Variants in KDM1B observed in about 807,000 individuals in gnomAD.
KDM1B encodes lysine-specific histone demethylase 2.
Under a neutral mutation model 107.4 loss-of-function variants are expected in KDM1B, and 63 were observed. The ratio of observed to expected loss-of-function variants is 0.59; its 90% CI spans 0.48 to 0.72. The LOEUF (loss-of-function observed/expected upper bound fraction) is 0.72, where lower values mean the gene tolerates loss of function less well. Ranked by LOEUF, KDM1B falls within the 30% of genes least tolerant of loss-of-function variation. The probability of loss-of-function intolerance (pLI) is 0.00; values close to 1 mark genes in which losing one functional copy is unlikely to be tolerated. For missense variants in KDM1B, 749 were observed against 1,020.8 expected (o/e 0.73, Z 3.63); for synonymous variants, 363 against 363.9 (o/e 1.00, Z 0.03).
Position 18,212,399 on chromosome 6 carries a change from G to A in KDM1B, c.1867-89G>A, listed in dbSNP as rs1340257226. The A allele has an allele frequency of 1.9e-5, 16 of 839,632 alleles. No individual in the cohort carries two copies. The East Asian group carries it at 3.9e-4, about 20-fold the overall frequency. 52.0% of individuals were successfully genotyped at this position (839,632 alleles called of 1,614,324 possible). A position where few individuals can be genotyped will look rare whatever the true frequency, so the allele number is the denominator to read the frequency against. ...CACATGGCAGCCCTTGTTCTTGCCA[G>A]TATAACAGCATGGGTTGTTGATACC... On this transcript the variant is annotated intron_variant, in intron 17 of 21. Coordinates refer to ENST00000650836, the MANE Select transcript of KDM1B (RefSeq NM_001364614.2). This position sits in a 1 kb window ranked among gnomAD's most constrained non-coding sequence, Gnocchi z 5.2.
intron 12 of KDM1B, among the ~76,000 whole-genome samples, chr6:18,199,674 A>G (rs1335907736): frequency 6.6e-6 from 1 of 151,720 alleles, no homozygotes; most frequent in Non-Finnish European, 1.5e-5. Flanking sequence ...AAGCCCATGA[A>G]GTAATATTTA....
intron 2 of KDM1B, among the ~76,000 whole-genome samples, chr6:18,156,182 A>G (rs1338058867): frequency 1.3e-5 from 2 of 152,210 alleles, no homozygotes; most frequent in Non-Finnish European, 1.5e-5. Flanking sequence ...TTGAGACTTG[A>G]TGAGCATTGC....
intron 7 of KDM1B, among the ~76,000 whole-genome samples, chr6:18,183,920 C>T (rs1010210357): frequency 2.0e-5 from 3 of 152,050 alleles, no homozygotes; most frequent in Non-Finnish European, 4.4e-5. Context: ...ACAAGAATGT[C>T]TTTGAAATAC....
chr6:18,157,898 C>T (rs537367710), intron 2 of KDM1B, among the ~76,000 whole-genome samples: 54 of 144,768 alleles, frequency 3.7e-4, no homozygotes, highest in African/African-American at 8.5e-4. Context: ...CTGCAAGCTC[C>T]GCCTGCGGGG....
rs1318581616 is a variant in KDM1B at position 18,208,136 on chromosome 6, A to G, written c.1796A>G (p.Gln599Arg). Residue 599 changes from glutamine (Q) to arginine (R), a missense_variant, in exon 17 of 22, where the codon CAG becomes CGG. Gln to Arg is a conservative substitution (Grantham distance 43). Transcript: ENST00000650836. ...TCATAATTGCTTTTTGAGCAGGTGC[A>G]GTGTATTGATTATTCTGGAGATGAA... ...GLDIQLKSPV[Q>R]CIDYSGDEVQ... The G allele has an allele frequency of 6.2e-7, 1 of 1,612,330 alleles. No homozygotes were observed. The highest frequency in any genetic ancestry group is 8.5e-7 in the Non-Finnish European group (1 of 1,178,556).
chr6:18,160,013 T>G (rs1561902001), intron 3 of KDM1B, 31 bp downstream of exon 3: 1 of 1,410,732 alleles, frequency 7.1e-7, no homozygotes, highest in Non-Finnish European at 9.8e-7. Context: ...CAACAAGCCT[T>G]TTTTGAGCAT....
rs1471000416 is a variant in KDM1B at position 18,186,004 on chromosome 6, A to G, written c.573+194A>G. Among the ~76,000 whole-genome samples, 1 of 152,222 alleles carries G rather than the reference A, an allele frequency of 6.6e-6. No individual in the cohort carries two copies. Among genetic ancestry groups the G allele is most frequent in the Non-Finnish European group, 1.5e-5 (1 of 68,042 alleles). On this transcript the variant is annotated intron_variant, in intron 8 of 21. Coordinates refer to ENST00000650836, the MANE Select transcript of KDM1B (RefSeq NM_001364614.2). The surrounding 1 kb of genome is among the most constrained non-coding windows in gnomAD (Gnocchi z 5.6). Reference sequence around the variant, plus strand: ...TTATGGGTAGTCCTGTCCCCAACTTAAAAAATAAAAATAAAGTTATGTTGC... The same window carrying G: ...TTATGGGTAGTCCTGTCCCCAACTTGAAAAATAAAAATAAAGTTATGTTGC...
intron 17 of KDM1B, among the ~76,000 whole-genome samples, chr6:18,208,792 C>T (rs1338665613): frequency 1.4e-5 from 2 of 147,138 alleles, no homozygotes; most frequent in Non-Finnish European, 3.0e-5. Flanking sequence ...CTACAGGCAC[C>T]CGCCATCACG....
intron 7 of KDM1B, among the ~76,000 whole-genome samples, chr6:18,179,434 T>G (rs1786281030): frequency 6.6e-6 from 1 of 152,206 alleles, no homozygotes; most frequent in African/African-American, 2.4e-5. Flanking sequence ...CTCTTTTCTA[T>G]TTTGTTGTAT....
Position 18,201,152 on chromosome 6 carries a change from C to T in KDM1B, c.1360-334C>T, listed in dbSNP as rs1479190635. On this transcript the variant is annotated intron_variant, in intron 13 of 21. Transcript: ENST00000650836. The surrounding 1 kb of genome is among the most constrained non-coding windows in gnomAD (Gnocchi z 4.3). Reference sequence around the variant, plus strand: ...ATGAGTGTTTGTGTGTTTGTGTGTTCATTTACATGAGGGTCCACAGAGGAG... The same window carrying T: ...ATGAGTGTTTGTGTGTTTGTGTGTTTATTTACATGAGGGTCCACAGAGGAG... Among the ~76,000 whole-genome samples the T allele has an allele frequency of 2.0e-5, 3 of 152,090 alleles. No homozygotes were observed. Among genetic ancestry groups the T allele is most frequent in the South Asian group, 4.1e-4 (2 of 4,822 alleles).
intron 10 of KDM1B, among the ~76,000 whole-genome samples, chr6:18,192,285 T>C (rs1039441397): frequency 5.3e-5 from 8 of 152,178 alleles, no homozygotes; most frequent in Admixed American, 1.3e-4. Context: ...AGAGATTCTC[T>C]TGACCCTAGC....
At chr6:18,198,658 C>A (rs9371038) in intron 12 of KDM1B, among the ~76,000 whole-genome samples, 40,225 of 119,140 alleles carry the variant, frequency 0.34, 6,488 homozygotes, top group Non-Finnish European at 0.41. Context: ...AAAAAAAAAA[C>A]AAAACGCCCT....
At chr6:18,217,118 C>T (rs979251886) in intron 20 of KDM1B, among the ~76,000 whole-genome samples, 1 of 152,138 alleles carries the variant, frequency 6.6e-6, no homozygotes, top group Non-Finnish European at 1.5e-5. Context: ...AAGGGAAGGC[C>T]CGAACTCTTA....
chr6:18,158,069 T>C (rs1166437867), intron 2 of KDM1B, among the ~76,000 whole-genome samples: 1 of 152,032 alleles, frequency 6.6e-6, no homozygotes, highest in Non-Finnish European at 1.5e-5. Context: ...CACCTCAGCC[T>C]CCCAAAGTGC....
intron 6 of KDM1B, among the ~76,000 whole-genome samples, chr6:18,170,217 T>C (rs551802635): frequency 6.6e-6 from 1 of 152,290 alleles, no homozygotes; most frequent in South Asian, 2.1e-4. Context: ...TCATTTTAAA[T>C]TTACTGAGTT....
chr6:18,189,248 T>C (rs12195683), intron 9 of KDM1B, among the ~76,000 whole-genome samples: 3 of 152,304 alleles, frequency 2.0e-5, no homozygotes, highest in African/African-American at 7.2e-5. Context: ...TTGTTGTTGT[T>C]GTTTACCAAT....
chr6:18,200,555 A>G lies in KDM1B; in HGVS notation c.1338A>G (p.Pro446=), dbSNP rs200940542. The G allele has an allele frequency of 6.2e-6, 10 of 1,613,610 alleles. No homozygotes were observed. The East Asian group carries it at 6.7e-5, about 11-fold the overall frequency. ...TTGTCAATGGGTGTATTAACAACCCAGTAGCATTAATGTGTGAACAAGTGA... is the reference window on the plus strand; with the variant it reads ...TTGTCAATGGGTGTATTAACAACCCGGTAGCATTAATGTGTGAACAAGTGA... ...AQIVNGCINN[P]VALMCEQLGI... The change falls in exon 13 of 22, where the codon CCA becomes CCG. Residue 446 remains proline (P), a synonymous_variant. Coordinates refer to ENST00000650836, the MANE Select transcript of KDM1B (RefSeq NM_001364614.2). The surrounding 1 kb of genome is among the most constrained non-coding windows in gnomAD (Gnocchi z 4.3).
In KDM1B at chr6:18,203,169, G is replaced by A. The variant is rs1788155937; in HGVS notation, c.1531+1512G>A. On this transcript the variant is annotated intron_variant, in intron 14 of 21. Coordinates refer to ENST00000650836, the MANE Select transcript of KDM1B (RefSeq NM_001364614.2). The surrounding 1 kb of genome is among the most constrained non-coding windows in gnomAD (Gnocchi z 5.5). ...ATGATGGTGTGTGCCTGTAGTCCCA[G>A]CTACTCAGGAGGTGAGAGGATCGCT... 6.6e-6 allele frequency among the ~76,000 whole-genome samples: 1 copy of A among 152,166 alleles called. No individual in the cohort carries two copies. Among genetic ancestry groups the A allele is most frequent in the South Asian group, 2.1e-4 (1 of 4,826 alleles).
rs1366354791 is a variant in KDM1B, at chr6:18,214,420, C to T, written c.2110-587C>T. 1.3e-5 allele frequency among the ~76,000 whole-genome samples: 2 copies of T among 152,228 alleles called. No individual in the cohort carries two copies. The highest frequency in any genetic ancestry group is 4.8e-5 in the African/African-American group (2 of 41,462). On this transcript the variant is annotated intron_variant, in intron 19 of 21. Transcript: ENST00000650836. This position sits in a 1 kb window ranked among gnomAD's most constrained non-coding sequence, Gnocchi z 4.4. Reference sequence around the variant, plus strand: ...GATTTTCCTTCTCCATCTCTTTCTACTTCTTCCGAAGCAAGCTTTAATTAG... The same window carrying T: ...GATTTTCCTTCTCCATCTCTTTCTATTTCTTCCGAAGCAAGCTTTAATTAG...
Sources: allele counts gnomAD v4.1 joint callset (sites outside exome capture counted in the v4.1 genomes callset), GRCh38; gene constraint gnomAD v4.1.1; non-coding constraint Gnocchi (gnomAD v3.1); transcripts MANE v1.5; gene names NCBI Gene and HGNC (gene_info 2026-07-23, HGNC 2026-07-21).